Variants in SPAG16 observed in about 807,000 individuals in gnomAD.
SPAG16 encodes the protein sperm associated antigen 16, also known as sperm-associated antigen 16 protein.
Under a neutral mutation model 80.4 loss-of-function variants are expected in SPAG16, and 86 were observed. That is an observed-to-expected ratio of 1.07 (90% CI 0.90 to 1.28). The LOEUF is 1.28. Among genes scored for constraint, SPAG16 ranks in the 50% most tolerant of loss-of-function variants. The probability of loss-of-function intolerance (pLI) is 0.00; values close to 1 mark genes in which losing one functional copy is unlikely to be tolerated. For missense variants in SPAG16, 870 were observed against 765.3 expected, an observed-to-expected ratio of 1.14 and a Z score of -1.61; for synonymous variants, 294 against 265.9, an observed-to-expected ratio of 1.11 and a Z score of -1.03.
At chr2:214,340,953 A>G (rs1396582931) in intron 15 of SPAG16, among the ~76,000 whole-genome samples, 3 of 152,360 alleles carry the variant, frequency 2.0e-5, no homozygotes, top group East Asian at 1.9e-4. Flanking sequence ...ACTAATTAAC[A>G]TAAAGAAAAT....
intron 15 of SPAG16, among the ~76,000 whole-genome samples, chr2:214,292,942 G>A (rs575317404): frequency 9.3e-4 from 141 of 152,106 alleles, no homozygotes; most frequent in Middle Eastern, 6.3e-3. Flanking sequence ...TGAATTCCTC[G>A]GTGGCTTAGG....
intron 10 of SPAG16, among the ~76,000 whole-genome samples, chr2:213,778,064 G>A (rs74619795): frequency 0.036 from 5,436 of 151,972 alleles, 124 homozygotes; most frequent in East Asian, 0.071. Context: ...GTATGTATAA[G>A]CTGTCCAACC....
chr2:214,117,778 G>A (rs1052790278), intron 14 of SPAG16, among the ~76,000 whole-genome samples: 1 of 152,100 alleles, frequency 6.6e-6, no homozygotes, highest in Admixed American at 6.6e-5. Flanking sequence ...CATTAGCCAT[G>A]GGAAAAGCAT....
chr2:214,163,003 A>G (rs958328345), intron 15 of SPAG16, among the ~76,000 whole-genome samples: 23 of 152,108 alleles, frequency 1.5e-4, no homozygotes, highest in Non-Finnish European at 4.4e-5. Flanking sequence ...CTTATTAACT[A>G]GTTATTCAAA....
intron 12 of SPAG16, among the ~76,000 whole-genome samples, chr2:214,004,978 A>T (rs1215577060): frequency 6.6e-6 from 1 of 152,194 alleles, no homozygotes; most frequent in Admixed American, 6.5e-5. Flanking sequence ...TTATTTAATT[A>T]TGTAAATTGC....
At chr2:214,140,089 C>T (rs1047231121) in intron 14 of SPAG16, among the ~76,000 whole-genome samples, 14 of 152,258 alleles carry the variant, frequency 9.2e-5, no homozygotes, top group African/African-American at 2.9e-4. Flanking sequence ...GTAACCTGAT[C>T]GCCTCAGGCA....
chr2:214,374,410 G>A (rs917497222), intron 15 of SPAG16, among the ~76,000 whole-genome samples: 31 of 152,224 alleles, frequency 2.0e-4, no homozygotes, highest in African/African-American at 7.0e-4. Context: ...AATTTTAGGA[G>A]TTACCAGCTT....
chr2:213,689,644 A>G (rs1039917630), intron 10 of SPAG16, among the ~76,000 whole-genome samples: 19 of 144,126 alleles, frequency 1.3e-4, no homozygotes, highest in African/African-American at 4.7e-4. Flanking sequence ...AACACTCATT[A>G]TTCTCAGCCT....
chr2:213,656,133 G>A (rs1282182862), intron 10 of SPAG16, among the ~76,000 whole-genome samples: 2 of 152,186 alleles, frequency 1.3e-5, no homozygotes, highest in Non-Finnish European at 2.9e-5. Flanking sequence ...GTATCTTTAG[G>A]AAAATACATT....
chr2:213,668,870 G>A (rs567650141), intron 10 of SPAG16, among the ~76,000 whole-genome samples: 2 of 151,960 alleles, frequency 1.3e-5, no homozygotes, highest in East Asian at 3.9e-4. Flanking sequence ...GGAGGGTCTC[G>A]GTCTCCTGAC....
At chr2:213,375,850 T>G (rs2066857860) in intron 9 of SPAG16, among the ~76,000 whole-genome samples, 1 of 151,692 alleles carries the variant, frequency 6.6e-6, no homozygotes, top group African/African-American at 2.4e-5. Context: ...TGAATTCAAA[T>G]AATAGCATTT....
intron 10 of SPAG16, among the ~76,000 whole-genome samples, chr2:213,627,755 C>T (rs887586157): frequency 6.6e-6 from 1 of 152,152 alleles, no homozygotes; most frequent in Non-Finnish European, 1.5e-5. Flanking sequence ...AACATACAAA[C>T]CAAAACAGTA....
At chr2:214,092,873 C>G (rs2052317067) in intron 13 of SPAG16, among the ~76,000 whole-genome samples, 1 of 152,138 alleles carries the variant, frequency 6.6e-6, no homozygotes, top group East Asian at 1.9e-4. Flanking sequence ...TTGTCTACTT[C>G]CTGTGTGCCT....
At chr2:213,732,741 T>C (rs1384596339) in intron 10 of SPAG16, among the ~76,000 whole-genome samples, 2 of 152,140 alleles carry the variant, frequency 1.3e-5, no homozygotes, top group Admixed American at 6.5e-5. Flanking sequence ...GTGTTATCTG[T>C]GATTTTTTTT....
rs1220415671 is a variant in SPAG16 at position 213,422,215 on chromosome 2, CCT to C, written c.942+47099_942+47100del. ...GCTCCACGAGCCAGTGCTGTGACAC[CCT>C]CTTTGGGGCTGTGCAGTTTCAGATG... On this transcript the variant is annotated intron_variant, in intron 9 of 15. Transcript: ENST00000331683. The C allele has an allele frequency of 4.3e-6, 3 of 701,434 alleles. No homozygotes were observed. The East Asian group carries it at 8.0e-5, about 19-fold the overall frequency. The allele number at this position is 701,434 out of a possible 1,614,324, so 43.5% of individuals were successfully genotyped here.
At chr2:214,405,721 C>T (rs946693243) in intron 15 of SPAG16, among the ~76,000 whole-genome samples, 11 of 152,206 alleles carry the variant, frequency 7.2e-5, no homozygotes, top group Middle Eastern at 3.4e-3. Context: ...CACTTAAACC[C>T]GGGAGGCGGA....
intron 11 of SPAG16, among the ~76,000 whole-genome samples, chr2:213,926,624 A>T (rs867754569): frequency 1.3e-5 from 2 of 151,676 alleles, no homozygotes; most frequent in African/African-American, 4.8e-5. Flanking sequence ...CTAAATATAT[A>T]TTTTTTTCAG....
intron 7 of SPAG16, among the ~76,000 whole-genome samples, chr2:213,357,807 C>A (rs950426540): frequency 3.9e-5 from 6 of 152,054 alleles, no homozygotes; most frequent in Admixed American, 3.3e-4. Flanking sequence ...TTATGATGTT[C>A]GCTGGTTATT....
intron 10 of SPAG16, among the ~76,000 whole-genome samples, chr2:213,530,459 T>C (rs1302452467): frequency 6.6e-6 from 1 of 152,190 alleles, no homozygotes; most frequent in Non-Finnish European, 1.5e-5. Context: ...ACTGTAATCA[T>C]CTTTGTAATT....
Sources: allele counts gnomAD v4.1 joint callset (sites outside exome capture counted in the v4.1 genomes callset), GRCh38; gene constraint gnomAD v4.1.1; transcripts MANE v1.5; gene names NCBI Gene and HGNC (gene_info 2026-07-23, HGNC 2026-07-21).